Variants in XRCC1 observed in about 807,000 individuals in gnomAD.
The protein encoded by XRCC1 is X-ray repair cross complementing 1.
Under a neutral mutation model 83.3 loss-of-function variants are expected in XRCC1, and 52 were observed. The ratio of observed to expected loss-of-function variants is 0.62; its 90% confidence interval spans 0.50 to 0.79. XRCC1 has a LOEUF of 0.79. Among genes scored for constraint, XRCC1 ranks in the 30% least tolerant of loss-of-function variants. XRCC1 has a pLI of 0.00. For missense variants in XRCC1, 793 were observed against 823.5 expected, an observed-to-expected ratio of 0.96 and a Z score of 0.45; for synonymous variants, 281 against 312.6, an observed-to-expected ratio of 0.90 and a Z score of 1.07.
chr19:43,546,836 T>C (rs1568511415), intron 11 of XRCC1, 48 bp downstream of exon 11: 1 of 1,607,214 alleles, frequency 6.2e-7, no homozygotes, highest in Non-Finnish European at 8.5e-7. Flanking sequence ...AGCGGACTCA[T>C]GTCATCCTCC....
At chr19:43,562,873 G>A (rs1321208827) in intron 2 of XRCC1, among the ~76,000 whole-genome samples, 1 of 152,198 alleles carries the variant, frequency 6.6e-6, no homozygotes, top group African/African-American at 2.4e-5. Flanking sequence ...AATAATACAT[G>A]TATCTACTCT....
chr19:43,544,112 C>T, intron 15 of XRCC1, 32 bp downstream of exon 15: 2 of 1,570,338 alleles, frequency 1.3e-6, no homozygotes, highest in Non-Finnish European at 1.7e-6. Context: ...GGATCCATCA[C>T]CCCTTCCCCA....
chr19:43,562,046 T>C (rs1408936940), intron 2 of XRCC1, among the ~76,000 whole-genome samples: 3 of 149,452 alleles, frequency 2.0e-5, no homozygotes, highest in African/African-American at 7.4e-5. Flanking sequence ...TTCAAGAGGC[T>C]GAGGCACAAG....
chr19:43,546,531 C>T (rs1244439391), intron 12 of XRCC1, 64 bp downstream of exon 12: 15 of 1,548,118 alleles, frequency 9.7e-6, no homozygotes, highest in African/African-American at 1.4e-5. Flanking sequence ...GAGCCCAGGC[C>T]GCAGGCCCTC....
intron 3 of XRCC1, 162 bp from the exon 4 acceptor site, chr19:43,554,966 G>C: frequency 1.4e-6 from 1 of 695,232 alleles, no homozygotes; most frequent in East Asian, 2.9e-5. Context: ...TCTAGGCCTT[G>C]AGTCAGTCCT....
chr19:43,550,818 C>T (rs566327636), intron 10 of XRCC1, among the ~76,000 whole-genome samples: 38 of 152,314 alleles, frequency 2.5e-4, no homozygotes, highest in Non-Finnish European at 4.3e-4. Flanking sequence ...AGACCCCTCG[C>T]TCTCTGCGGG....
chr19:43,546,067 T>C lies in XRCC1; in HGVS notation c.1466A>G (p.Glu489Gly). Residue 489 changes from glutamate to glycine, a missense_variant, in exon 13 of 17, where the codon GAG (glutamate) becomes GGG (glycine). Physicochemically the swap from Glu to Gly is moderately conservative, Grantham distance 98. Transcript: ENST00000262887. The part of the protein sequence containing the change: ...DNGAEDSGDT[E>G]DELRRVAEQK... ...CCAGCCCTACCTCCTCAGCTCATCC[T>C]CTGTGTCCCCAGAATCTTCCGCCCC... 1 of 1,607,194 alleles carries C rather than the reference T, an allele frequency of 6.2e-7. No homozygotes were observed. Among genetic ancestry groups the C allele is most frequent in the Non-Finnish European group, 8.5e-7 (1 of 1,177,948 alleles).
chr19:43,547,043 A>C (rs1600042710), intron 10 of XRCC1, 66 bp from the exon 11 acceptor site: 32 of 1,483,074 alleles, frequency 2.2e-5, no homozygotes, highest in South Asian at 1.3e-4. Flanking sequence ...TCAGGAGGCA[A>C]CAGCCATTGG....
chr19:43,558,284 G>A (rs3213335), intron 3 of XRCC1, among the ~76,000 whole-genome samples: 2 of 151,988 alleles, frequency 1.3e-5, no homozygotes, highest in Admixed American at 6.6e-5. Context: ...GCAGTGAGCT[G>A]AGATCGTGCC....
At chr19:43,571,330 G>A (rs1317936188) in intron 2 of XRCC1, among the ~76,000 whole-genome samples, 2 of 152,096 alleles carry the variant, frequency 1.3e-5, no homozygotes, top group Admixed American at 6.6e-5. Context: ...CCTTTTCAGG[G>A]AGGCCTTCCC....
intron 2 of XRCC1, among the ~76,000 whole-genome samples, chr19:43,567,150 G>A (rs1972761448): frequency 6.6e-6 from 1 of 152,030 alleles, no homozygotes; most frequent in Non-Finnish European, 1.5e-5. Context: ...GGTTGCCAAG[G>A]GCAACATTGG....
chr19:43,553,836 A>G (rs780223985), intron 4 of XRCC1, 153 bp from the exon 5 acceptor site: 9 of 622,128 alleles, frequency 1.4e-5, no homozygotes, highest in Non-Finnish European at 2.2e-5. Flanking sequence ...GATGACAATT[A>G]TAGGATTAAG....
At chr19:43,569,232 A>G (rs1972783616) in intron 2 of XRCC1, among the ~76,000 whole-genome samples, 1 of 152,092 alleles carries the variant, frequency 6.6e-6, no homozygotes, top group Non-Finnish European at 1.5e-5. Context: ...CAAGGATTTA[A>G]GAAGCTGAGG....
chr19:43,574,397 T>C (rs572266189), intron 2 of XRCC1: 10 of 152,258 alleles, frequency 6.6e-5, no homozygotes, highest in African/African-American at 1.9e-4. Flanking sequence ...AAAAAAATTA[T>C]TTATTTTAAT....
At chr19:43,554,617 C>T (rs1568514483) in intron 4 of XRCC1, 29 bp downstream of exon 4, 2 of 1,595,264 alleles carry the variant, frequency 1.3e-6, no homozygotes, top group East Asian at 4.5e-5. Flanking sequence ...GGACCAAGGA[C>T]TCTGCACCCT....
chr19:43,572,564 G>A (rs1381571022), intron 2 of XRCC1, among the ~76,000 whole-genome samples: 1 of 152,224 alleles, frequency 6.6e-6, no homozygotes, highest in Non-Finnish European at 1.5e-5. Flanking sequence ...AACATTTTGG[G>A]AGGCCAAGGT....
intron 8 of XRCC1, 131 bp from the exon 9 acceptor site, chr19:43,552,406 C>A: frequency 1.4e-6 from 1 of 698,944 alleles, no homozygotes; most frequent in Non-Finnish European, 2.3e-6. Context: ...CCCAGCCCCT[C>A]CCCCCTCAGA....
rs1412757004 is a variant in XRCC1 at position 43,569,049 on chromosome 19, T to TG, written c.144+5860dup. On this transcript the variant is annotated intron_variant, in intron 2 of 16. Coordinates refer to ENST00000262887, the MANE Select transcript of XRCC1 (RefSeq NM_006297.3). ...GTCCTAGCTACTCAGGAGGCCAAGTTGGGGGATCACCTGAGATCAACAGTT... is the reference window on the plus strand; with the variant it reads ...GTCCTAGCTACTCAGGAGGCCAAGTTGGGGGGATCACCTGAGATCAACAGTT... 6.6e-5 allele frequency among the ~76,000 whole-genome samples: 10 copies of TG among 151,078 alleles called. No homozygotes were observed. The East Asian group carries it at 1.8e-3, about 26-fold the overall frequency.
chr19:43,544,374 T>C (rs549632613), intron 14 of XRCC1, 140 bp from the exon 15 acceptor site: 1 of 710,722 alleles, frequency 1.4e-6, no homozygotes, highest in South Asian at 1.9e-5. Flanking sequence ...CAGTGGACCC[T>C]GCCCAGCGGC....
Sources: gnomAD v4.1 joint callset for allele counts (sites outside exome capture counted in the v4.1 genomes callset) on GRCh38, gnomAD v4.1.1 for gene constraint, MANE v1.5 for transcripts, NCBI Gene and HGNC (gene_info 2026-07-23, HGNC 2026-07-21) for gene names.